The following PFKFB4 variants were observed in gnomAD, a reference collection of about 807,000 sequenced individuals.
PFKFB4 encodes the protein 6-phosphofructo-2-kinase/fructose-2,6-biphosphatase 4, also known as 6-phosphofructo-2-kinase/fructose-2,6-bisphosphatase 4.
In PFKFB4, 42 loss-of-function variants were observed where a neutral mutation model predicts 62.8. That is an observed-to-expected ratio of 0.67 (90% CI 0.52 to 0.86). PFKFB4 has a LOEUF of 0.86. Among genes scored for constraint, PFKFB4 ranks in the 40% least tolerant of loss-of-function variants. PFKFB4 has a pLI of 0.00. For synonymous variants in PFKFB4, 204 were observed against 240.7 expected, an observed-to-expected ratio of 0.85 and a Z score of 1.41; for missense variants, 475 against 627.2, an observed-to-expected ratio of 0.76 and a Z score of 2.59.
chr3:48,562,827 T>A, upstream of PFKFB4: 1 of 1,575,534 alleles, frequency 6.3e-7, no homozygotes, highest in Non-Finnish European at 8.6e-7. The surrounding 1 kb of genome is among the most constrained non-coding windows in gnomAD (Gnocchi z 4.3). Flanking sequence ...GCGTTGGTGG[T>A]GGCCTGCTCC....
At chr3:48,523,371 G>A (rs760336746) in intron 12 of PFKFB4, among the ~76,000 whole-genome samples, 166 bp downstream of exon 12, 4 of 152,162 alleles carry the variant, frequency 2.6e-5, no homozygotes, top group East Asian at 1.9e-4. Context: ...GTGACAAAGC[G>A]AGACTCCGTC....
chr3:48,519,673 C>T lies in PFKFB4; in HGVS notation c.*74G>A, dbSNP rs2042028253. On this transcript the variant is annotated 3_prime_UTR_variant, in exon 14 of 14. Transcript: ENST00000232375. ...CCTGCATGGCATGGTGACTATCACA[C>T]ACACTGGAGGGCCTGGAATGACCCC... 4 of 1,127,950 alleles carry T rather than the reference C, an allele frequency of 3.5e-6. No homozygotes were observed. The highest frequency in any genetic ancestry group is 2.8e-4 in the Middle Eastern group (1 of 3,614). 69.9% of individuals were successfully genotyped at this position (1,127,950 alleles called of 1,614,324 possible).
chr3:48,545,073 A>ACCTTTTTATCTATTATCTTC (rs1306644398), intron 3 of PFKFB4, among the ~76,000 whole-genome samples: 2 of 152,188 alleles, frequency 1.3e-5, no homozygotes, highest in East Asian at 1.9e-4. Flanking sequence ...TAGATAAATT[A>ACCTTTTTATCTATTATCTTC]CCTTTTTATC....
Position 48,526,827 on chromosome 3 carries a change from G to T in PFKFB4, c.988-1158C>A, listed in dbSNP as rs2042276979. Among the ~76,000 whole-genome samples the T allele has an allele frequency of 1.3e-5, 2 of 151,820 alleles. 1 individual carries two copies. The highest frequency in any genetic ancestry group is 4.1e-4 in the South Asian group (2 of 4,822). ...GTGGTGGCTCACGCCTGTAGTCCCAGCTACTTGGGAGGCTGAGGCAGAAGA... is the reference window on the plus strand; with the variant it reads ...GTGGTGGCTCACGCCTGTAGTCCCATCTACTTGGGAGGCTGAGGCAGAAGA... On this transcript the variant is annotated intron_variant, in intron 9 of 13. Transcript: ENST00000232375.
At chr3:48,545,500 T>A (rs1035583070) in intron 3 of PFKFB4, among the ~76,000 whole-genome samples, 2 of 152,146 alleles carry the variant, frequency 1.3e-5, no homozygotes, top group Non-Finnish European at 2.9e-5. Flanking sequence ...AGGGCTCTCA[T>A]CAGGACGATA....
intron 1 of PFKFB4, 138 bp from the exon 2 acceptor site, chr3:48,550,372 A>G (rs1380964730): frequency 1.5e-6 from 1 of 651,622 alleles, no homozygotes; most frequent in African/African-American, 1.8e-5. Flanking sequence ...GCATCCCCAC[A>G]CAGCTCCTGG....
At chr3:48,547,384 CGT>C (rs1297822878) in intron 3 of PFKFB4, among the ~76,000 whole-genome samples, 2 of 151,994 alleles carry the variant, frequency 1.3e-5, no homozygotes, top group African/African-American at 4.8e-5. Context: ...CATGTGCCCA[CGT>C]GTGTGTGTGC....
chr3:48,540,900 G>C (rs572132415), intron 4 of PFKFB4, among the ~76,000 whole-genome samples: 9 of 149,918 alleles, frequency 6.0e-5, no homozygotes, highest in Non-Finnish European at 1.0e-4. Flanking sequence ...TCAGCCTCCT[G>C]AGTAGCTGGG....
At chr3:48,526,489 C>T (rs1370427595) in intron 9 of PFKFB4, among the ~76,000 whole-genome samples, 2 of 147,780 alleles carry the variant, frequency 1.4e-5, no homozygotes, top group Non-Finnish European at 3.0e-5. Flanking sequence ...AGGAGAATCG[C>T]ATGTACCCAA....
chr3:48,532,193 C>G (rs1266913991), intron 9 of PFKFB4, among the ~76,000 whole-genome samples: 2 of 152,138 alleles, frequency 1.3e-5, no homozygotes, highest in Non-Finnish European at 2.9e-5. Flanking sequence ...GCCTGTAATC[C>G]CAGCTACTCA....
At chr3:48,558,808 C>T (rs1237833399), upstream of PFKFB4, among the ~76,000 whole-genome samples, 3 of 152,230 alleles carry the variant, frequency 2.0e-5, no homozygotes, top group African/African-American at 7.2e-5. Context: ...TCCTGATGAG[C>T]TGGGTGCCCC....
chr3:48,539,242 T>G lies in PFKFB4; in HGVS notation c.510+12A>C, dbSNP rs2042726721. The G allele has an allele frequency of 1.2e-6, 2 of 1,606,436 alleles. No homozygotes were observed. The highest frequency in any genetic ancestry group is 1.7e-6 in the Non-Finnish European group (2 of 1,173,098). ...CACACGACCTTCTGACAAGGTCAGA[T>G]GCACTACTCACCACGATGTTGGCAG... is the stretch of plus-strand genomic sequence containing the variant. On this transcript the variant is annotated intron_variant, in intron 6 of 13. Coordinates refer to ENST00000232375, the MANE Select transcript of PFKFB4 (RefSeq NM_004567.4).
At chr3:48,529,859 TG>T (rs1330220942) in intron 9 of PFKFB4, among the ~76,000 whole-genome samples, 1 of 148,468 alleles carries the variant, frequency 6.7e-6, no homozygotes, top group African/African-American at 2.5e-5. Flanking sequence ...GAGGCTGAGG[TG>T]GGAAGATGGC....
intron 1 of PFKFB4, among the ~76,000 whole-genome samples, chr3:48,550,866 CAGA>C (rs1186370648): frequency 3.3e-5 from 5 of 152,238 alleles, no homozygotes; most frequent in African/African-American, 9.6e-5. Context: ...TCACTTACAG[CAGA>C]AGAAGCCCTG....
upstream of PFKFB4, chr3:48,562,911 T>C: frequency 6.2e-7 from 1 of 1,605,080 alleles, no homozygotes. The surrounding 1 kb of genome is among the most constrained non-coding windows in gnomAD (Gnocchi z 4.3). Flanking sequence ...GATAGGACAA[T>C]GCGCGAGCCA....
chr3:48,550,326 T>G lies in PFKFB4; in HGVS notation c.98-92A>C. 7 of 816,354 alleles carry G rather than the reference T, an allele frequency of 8.6e-6. No homozygotes were observed. The South Asian group carries it at 1.0e-4, about 12-fold the overall frequency. 50.6% of individuals were successfully genotyped at this position (816,354 alleles called of 1,614,324 possible). On this transcript the variant is annotated intron_variant, in intron 1 of 13. Coordinates refer to ENST00000232375, the MANE Select transcript of PFKFB4 (RefSeq NM_004567.4). ...CCTGTGGTCTCTCAGCCTCAGGGCA[T>G]GGGACTGGCATCAGACGTATCTTCT...
chr3:48,536,221 G>A (rs771285960), intron 8 of PFKFB4, 35 bp downstream of exon 8: 3 of 1,582,312 alleles, frequency 1.9e-6, no homozygotes, highest in Non-Finnish European at 2.6e-6. Context: ...TACAAATGCA[G>A]GCCCGTGTGC....
chr3:48,526,767 C>T (rs1467595259), intron 9 of PFKFB4, among the ~76,000 whole-genome samples: 3 of 150,476 alleles, frequency 2.0e-5, no homozygotes, highest in Non-Finnish European at 4.4e-5. Context: ...GGTGAAACCC[C>T]GTCTCTACTA....
chr3:48,519,420 C>G lies in PFKFB4; in HGVS notation c.*327G>C, dbSNP rs1287051530. ...TCCTTTCACATTGTAGGGTTTCACA[C>G]TTCACAAAGCCAACTGAGCTGGCGA... On this transcript the variant is annotated 3_prime_UTR_variant, in exon 14 of 14. Coordinates refer to ENST00000232375, the MANE Select transcript of PFKFB4 (RefSeq NM_004567.4). 6.4e-6 allele frequency: 2 copies of G among 314,368 alleles called. No homozygotes were observed. The highest frequency in any genetic ancestry group is 1.2e-5 in the Non-Finnish European group (2 of 167,288). 19.5% of individuals were successfully genotyped at this position (314,368 alleles called of 1,614,324 possible). A position where few individuals can be genotyped will look rare whatever the true frequency, so the allele number is the denominator to read the frequency against.
Sources: allele counts gnomAD v4.1 joint callset (sites outside exome capture counted in the v4.1 genomes callset), GRCh38; gene constraint gnomAD v4.1.1; non-coding constraint Gnocchi (gnomAD v3.1); transcripts MANE v1.5; gene names NCBI Gene and HGNC (gene_info 2026-07-23, HGNC 2026-07-21).